SWAP70: variants seen among roughly 807,000 people sequenced by gnomAD.
SWAP70 encodes switch-associated protein 70.
A neutral mutation model predicts 80.2 loss-of-function variants in SWAP70; 34 were observed. The observed-to-expected ratio is 0.42, with a 90% confidence interval of 0.32 to 0.56. The LOEUF (loss-of-function observed/expected upper bound fraction) is 0.56, where lower values mean the gene tolerates loss of function less well. Ranked by LOEUF, SWAP70 falls within the 20% of genes least tolerant of loss-of-function variation. SWAP70 has a pLI of 0.09. For missense variants in SWAP70, 578 were observed against 690.7 expected, an observed-to-expected ratio of 0.84 and a Z score of 1.83; for synonymous variants, 239 against 238.5, an observed-to-expected ratio of 1.00 and a Z score of -0.02.
chr11:9,672,227 A>ATATATATATATATATG, intron 1 of SWAP70, among the ~76,000 whole-genome samples: 1 of 136,400 alleles, frequency 7.3e-6, no homozygotes. Context: ...ATATATATAT[A>ATATATATATATATATG]TGATTGTAAA....
intron 2 of SWAP70, among the ~76,000 whole-genome samples, chr11:9,694,541 C>G (rs1850732133): frequency 6.6e-6 from 1 of 152,146 alleles, no homozygotes; most frequent in Admixed American, 6.5e-5. Context: ...TTGTGTTAAT[C>G]TGTACCTATT....
intron 7 of SWAP70, among the ~76,000 whole-genome samples, chr11:9,737,491 T>A (rs1006485038): frequency 1.3e-5 from 2 of 152,186 alleles, no homozygotes; most frequent in African/African-American, 4.8e-5. Flanking sequence ...GGGGAAAGGG[T>A]CTGTGGAGCT....
intron 2 of SWAP70, among the ~76,000 whole-genome samples, chr11:9,707,419 C>CT (rs35272197): frequency 0.33 from 50,294 of 151,668 alleles, 8,587 homozygotes; most frequent in Non-Finnish European, 0.36. Context: ...CTGTATTTGT[C>CT]TTTTTTGATT....
At chr11:9,714,574 A>G (rs1347000347) in intron 3 of SWAP70, among the ~76,000 whole-genome samples, 1 of 152,178 alleles carries the variant, frequency 6.6e-6, no homozygotes, top group Non-Finnish European at 1.5e-5. Context: ...TGAACAAGGC[A>G]AAGTTGCCCT....
At chr11:9,688,082 A>C (rs1850654271) in intron 1 of SWAP70, among the ~76,000 whole-genome samples, 1 of 152,112 alleles carries the variant, frequency 6.6e-6, no homozygotes, top group African/African-American at 2.4e-5. Flanking sequence ...CTCAGGCCAC[A>C]GTCTTTTTAT....
chr11:9,710,494 A>G (rs1850981274), intron 2 of SWAP70, among the ~76,000 whole-genome samples: 1 of 152,110 alleles, frequency 6.6e-6, no homozygotes. Context: ...AATTAAAGTT[A>G]GAGATCAGGT....
chr11:9,684,188 C>G (rs1209725544), intron 1 of SWAP70, among the ~76,000 whole-genome samples: 1 of 151,956 alleles, frequency 6.6e-6, no homozygotes, highest in East Asian at 1.9e-4. Flanking sequence ...CTCAAGTGGT[C>G]CTCCCACCTC....
chr11:9,750,964 C>G lies in SWAP70; in HGVS notation c.*994C>G, dbSNP rs1043631116. On this transcript the variant is annotated 3_prime_UTR_variant, in exon 12 of 12. Coordinates refer to ENST00000318950, the MANE Select transcript of SWAP70 (RefSeq NM_015055.4). Reference sequence around the variant, plus strand: ...ACCTTAAAGGAGACTACCCCTTTGCCCCATATTGTCAACCTAATTTTCTCT... The same window carrying G: ...ACCTTAAAGGAGACTACCCCTTTGCGCCATATTGTCAACCTAATTTTCTCT... 3.3e-5 allele frequency: 5 copies of G among 152,210 alleles called. No individual in the cohort carries two copies. The highest frequency in any genetic ancestry group is 9.7e-5 in the African/African-American group (4 of 41,434). The allele number at this position is 152,210 out of a possible 1,614,324, so 9.4% of individuals were successfully genotyped here. A position where few individuals can be genotyped will look rare whatever the true frequency, so the allele number is the denominator to read the frequency against.
chr11:9,693,086 G>A (rs960593355), intron 1 of SWAP70, among the ~76,000 whole-genome samples: 16 of 152,050 alleles, frequency 1.1e-4, no homozygotes, highest in African/African-American at 3.9e-4. Flanking sequence ...AAAGGGACTC[G>A]CTTAATGCAA....
intron 2 of SWAP70, among the ~76,000 whole-genome samples, chr11:9,701,572 C>T (rs1850832294): frequency 6.7e-6 from 1 of 150,176 alleles, no homozygotes; most frequent in African/African-American, 2.4e-5. Context: ...CACCTGAGCC[C>T]AGGAGTTCTA....
rs2133808340 is a variant in SWAP70, at chr11:9,729,203, C to T, written c.790-140C>T. 7.8e-6 allele frequency: 5 copies of T among 642,024 alleles called. No individual in the cohort carries two copies. The Middle Eastern group carries it at 1.3e-3, about 169-fold the overall frequency. The allele number at this position is 642,024 out of a possible 1,614,324, so 39.8% of individuals were successfully genotyped here. ...TACCATAAGTAATGTGCTTAGGAAA[C>T]AGCATTAGTAAATCAGTAATATGAA... On this transcript the variant is annotated intron_variant, in intron 5 of 11. Transcript: ENST00000318950.
chr11:9,665,548 A>AC (rs1390815697), intron 1 of SWAP70, among the ~76,000 whole-genome samples: 1 of 152,018 alleles, frequency 6.6e-6, no homozygotes, highest in Admixed American at 6.6e-5. Flanking sequence ...CCCTGCCTCC[A>AC]CCCCAACTGT....
At chr11:9,721,606 G>A (rs963487787) in intron 3 of SWAP70, among the ~76,000 whole-genome samples, 6 of 151,438 alleles carry the variant, frequency 4.0e-5, no homozygotes, top group Admixed American at 1.3e-4. Flanking sequence ...TGAGTAGCTG[G>A]GACTACAGGC....
At chr11:9,719,006 G>A (rs1470631451) in intron 3 of SWAP70, among the ~76,000 whole-genome samples, 1 of 150,456 alleles carries the variant, frequency 6.6e-6, no homozygotes. Context: ...AGGCTGAAGT[G>A]GGAGGATCAC....
intron 2 of SWAP70, among the ~76,000 whole-genome samples, chr11:9,700,764 A>G (rs1850820950): frequency 6.6e-6 from 1 of 152,190 alleles, no homozygotes; most frequent in Non-Finnish European, 1.5e-5. Context: ...TGGGGGAAAT[A>G]TTGGTCGAAG....
At chr11:9,746,155 A>G (rs1851509854) in intron 9 of SWAP70, among the ~76,000 whole-genome samples, 1 of 152,226 alleles carries the variant, frequency 6.6e-6, no homozygotes, top group Admixed American at 6.5e-5. Flanking sequence ...CAGAAGGAGC[A>G]TCTACATAGC....
chr11:9,743,964 A>ACT (rs1554893854), intron 9 of SWAP70, among the ~76,000 whole-genome samples: 12 of 146,672 alleles, frequency 8.2e-5, no homozygotes, highest in African/African-American at 3.0e-4. Flanking sequence ...AGATCTTGTA[A>ACT]TTTTTTTTTT....
intron 9 of SWAP70, among the ~76,000 whole-genome samples, chr11:9,742,406 G>A (rs934330523): frequency 1.3e-5 from 2 of 151,402 alleles, no homozygotes; most frequent in African/African-American, 2.4e-5. Context: ...GCGTGATCTC[G>A]GCTCACTGCA....
chr11:9,735,619 C>T (rs574779193), intron 7 of SWAP70, among the ~76,000 whole-genome samples: 11 of 152,212 alleles, frequency 7.2e-5, no homozygotes, highest in Admixed American at 1.3e-4. Flanking sequence ...TTCACTGTGC[C>T]GGAAGAAAAA....
Sources: gnomAD v4.1 joint callset for allele counts (sites outside exome capture counted in the v4.1 genomes callset) on GRCh38, gnomAD v4.1.1 for gene constraint, MANE v1.5 for transcripts, NCBI Gene and HGNC (gene_info 2026-07-23, HGNC 2026-07-21) for gene names.